Variants in MYH4 observed in about 807,000 individuals in gnomAD.
MYH4 encodes the protein myosin heavy chain 4.
In MYH4, 200 loss-of-function variants were observed where a neutral mutation model predicts 229.9. That is an observed-to-expected ratio of 0.87 (90% CI 0.78 to 0.98). MYH4 has a LOEUF of 0.98. MYH4 is among the 50% of genes least tolerant of loss of function. The probability of loss-of-function intolerance (pLI) is 0.00; values close to 1 mark genes in which losing one functional copy is unlikely to be tolerated. For missense variants in MYH4, 2,148 were observed against 2,332.6 expected (o/e 0.92, Z 1.63); for synonymous variants, 761 against 834.6 (o/e 0.91, Z 1.52).
intron 33 of MYH4, 28 bp downstream of exon 33, chr17:10,448,368 T>C: frequency 1.3e-6 from 2 of 1,597,762 alleles, no homozygotes; most frequent in South Asian, 1.1e-5. Flanking sequence ...TTATTTATAA[T>C]GCAGAGCTAA....
Position 10,451,403 on chromosome 17 carries a change from A to G in MYH4, c.3788T>C (p.Ile1263Thr). ...TTGTTGCTCTTCTTCCTTTGTTTTT[A>G]TTTCACTAAGCTGGTCCTCTAGGGT... is the stretch of plus-strand genomic sequence containing the variant. ...CRTLEDQLSE[I>T]KTKEEEQQRL... Residue 1263 changes from isoleucine to threonine, a missense_variant, in exon 28 of 40, where the codon ATA becomes ACA. Physicochemically the swap from Ile to Thr is moderately conservative, Grantham distance 89. Coordinates refer to ENST00000255381, the MANE Select transcript of MYH4 (RefSeq NM_017533.2). The G allele has an allele frequency of 1.2e-6, 2 of 1,613,918 alleles. No individual in the cohort carries two copies. Among genetic ancestry groups the G allele is most frequent in the South Asian group, 1.1e-5 (1 of 91,070 alleles).
At position 10,453,706 on chromosome 17, in the gene MYH4, G is replaced by A; in HGVS notation, c.2871C>T (p.Asp957=). The A allele has an allele frequency of 1.9e-6, 3 of 1,614,032 alleles. No homozygotes were observed. The highest frequency in any genetic ancestry group is 1.3e-5 in the African/African-American group (1 of 75,018). Residue 957 remains aspartate (D), a synonymous_variant, in exon 23 of 40, where the codon GAC becomes GAT. Transcript: ENST00000255381. ...CCAGTGTCAGCTCAAGGTCATCAAT[G>A]TCTTTCTTGAGCTCTGAACATTCAT... ...LEDECSELKK[D]IDDLELTLAK...
chr17:10,458,481 C>A (rs2072665439), intron 15 of MYH4, among the ~76,000 whole-genome samples: 1 of 152,132 alleles, frequency 6.6e-6, no homozygotes, highest in African/African-American at 2.4e-5. Flanking sequence ...ACCTAGTCTG[C>A]TTTTAAACTC....
At position 10,448,795 on chromosome 17, in the gene MYH4, T is replaced by C; in HGVS notation, c.4366-12A>G. 6.2e-7 allele frequency: 1 copy of C among 1,613,498 alleles called. No homozygotes were observed. The highest frequency in any genetic ancestry group is 8.5e-7 in the Non-Finnish European group (1 of 1,179,808). On this transcript the variant is annotated splice_polypyrimidine_tract_variant and intron_variant, in intron 31 of 39. Coordinates refer to ENST00000255381, the MANE Select transcript of MYH4 (RefSeq NM_017533.2). ...CATTCTGCCAGAACCTGGAAGTATA[T>C]AGAAAATAAGCCTTTGAAACCAAGA...
chr17:10,446,940 A>G lies in MYH4; in HGVS notation c.5169+73T>C. The G allele has an allele frequency of 2.0e-6, 3 of 1,467,288 alleles. 1 individual carries two copies. The highest frequency in any genetic ancestry group is 1.2e-5 in the South Asian group (1 of 81,158). 90.9% of individuals were successfully genotyped at this position (1,467,288 alleles called of 1,614,324 possible). On this transcript the variant is annotated intron_variant, in intron 35 of 39. Coordinates refer to ENST00000255381, the MANE Select transcript of MYH4 (RefSeq NM_017533.2). ...GGACGAAGATTACTTTTTACTTTAT[A>G]AACAAGCTTATCTTCTCAAATTATC...
In MYH4 at chr17:10,450,427, T is replaced by G. The variant is rs777974581; in HGVS notation, c.4181+26A>C. 1.9e-6 allele frequency: 3 copies of G among 1,613,908 alleles called. No homozygotes were observed. In the South Asian group the frequency reaches 3.3e-5, roughly 18 times the overall value. On this transcript the variant is annotated intron_variant, in intron 30 of 39. Transcript: ENST00000255381. ...CACTGCCTTTACTTTTATTTCTTCC[T>G]GCTCCCCTGCACTAAAAGCACATAC... is the stretch of plus-strand genomic sequence containing the variant.
At position 10,452,760 on chromosome 17, in the gene MYH4, G is replaced by T. The variant is rs752576933; in HGVS notation, c.3257+27C>A. 15 of 1,583,284 alleles carry T rather than the reference G, an allele frequency of 9.5e-6. 1 individual carries two copies. The highest frequency in any genetic ancestry group is 1.1e-5 in the Non-Finnish European group (13 of 1,169,722). ...ATTTGCATTGACATACAACAAGCAG[G>T]TTATAGCTGAATTATACCATACTTA... On this transcript the variant is annotated intron_variant, in intron 25 of 39. Coordinates refer to ENST00000255381, the MANE Select transcript of MYH4 (RefSeq NM_017533.2).
chr17:10,447,460 G>C (rs985626638), intron 34 of MYH4, among the ~76,000 whole-genome samples: 5 of 152,100 alleles, frequency 3.3e-5, no homozygotes, highest in African/African-American at 7.2e-5. Flanking sequence ...CAAAATTTTG[G>C]ATCAGGAAAG....
In MYH4 at chr17:10,462,853, C is replaced by T; in HGVS notation, c.1008+12G>A. 1.2e-6 allele frequency: 2 copies of T among 1,602,720 alleles called. No individual in the cohort carries two copies. Among genetic ancestry groups the T allele is most frequent in the Admixed American group, 1.7e-5 (1 of 59,502 alleles). On this transcript the variant is annotated intron_variant, in intron 11 of 39. Transcript: ENST00000255381. ...TGAATTTACTTTTTACTACTTTGTA[C>T]CTATTACTTACATCTGTGGCCATCA...
chr17:10,465,336 A>C, intron 5 of MYH4, 106 bp downstream of exon 5: 1 of 1,345,580 alleles, frequency 7.4e-7, no homozygotes, highest in South Asian at 1.4e-5. Flanking sequence ...TTCTGTTATC[A>C]TGTTTGTGCT....
chr17:10,457,709 G>A lies in MYH4; in HGVS notation c.1608C>T (p.Ile536=). Residue 536 remains isoleucine (I), a synonymous_variant, in exon 16 of 40, where the codon ATC becomes ATT. Transcript: ENST00000255381. ...LIEKPMGIFS[I]LEEECMFPKA... ...TGGGGAACATGCACTCCTCTTCTAG[G>A]ATGGAGAAGATGCCCATAGGCTAAG... 4 of 1,613,942 alleles carry A rather than the reference G, an allele frequency of 2.5e-6. No homozygotes were observed. The highest frequency in any genetic ancestry group is 1.1e-5 in the South Asian group (1 of 91,074).
chr17:10,445,000 C>T lies in MYH4; in HGVS notation c.5442G>A (p.Lys1814=). The change falls in exon 37 of 40, where the codon AAG becomes AAA. Residue 1814 remains lysine, a synonymous_variant. Transcript: ENST00000255381. ...CCCTGGCCTCCAGTTTCTGGATCTG[C>T]TTCTTCCCACCCTTCAGCGCCAGCT... The part of the protein sequence containing the change: ...AEQLALKGGK[K]QIQKLEARVR... 1 of 1,614,108 alleles carries T rather than the reference C, an allele frequency of 6.2e-7. No individual in the cohort carries two copies. Among genetic ancestry groups the T allele is most frequent in the Non-Finnish European group, 8.5e-7 (1 of 1,180,016 alleles).
rs201770076 is a variant in MYH4 at position 10,443,493 on chromosome 17, C to G, written c.5702G>C (p.Arg1901Pro). 3.7e-6 allele frequency: 6 copies of G among 1,613,876 alleles called. No homozygotes were observed. Among genetic ancestry groups the G allele is most frequent in the Non-Finnish European group, 5.1e-6 (6 of 1,179,884 alleles). ...EQSNVNLAKF[R>P]KLQHELEEAK... ...CTCCTCCAGCTCGTGCTGGAGCTTGCGGAACTTGGCAAGGTTGACATTGGA... is the reference window on the plus strand; with the variant it reads ...CTCCTCCAGCTCGTGCTGGAGCTTGGGGAACTTGGCAAGGTTGACATTGGA... The change falls in exon 40 of 40, where the codon CGC becomes CCC. Residue 1901 changes from arginine to proline, a missense_variant. Coordinates refer to ENST00000255381, the MANE Select transcript of MYH4 (RefSeq NM_017533.2). The surrounding 1 kb of genome is among the most constrained non-coding windows in gnomAD (Gnocchi z 4.6).
At chr17:10,449,285 T>C (rs1597415831) in intron 30 of MYH4, among the ~76,000 whole-genome samples, 2 of 152,352 alleles carry the variant, frequency 1.3e-5, no homozygotes, top group South Asian at 2.1e-4. Flanking sequence ...TGTGTGTGTA[T>C]GAGAGAAAGA....
rs1233202115 is a variant in MYH4 at position 10,460,096 on chromosome 17, G to T, written c.1272C>A (p.Tyr424Ter). The change falls in exon 14 of 40, where the codon TAC becomes TAA. Residue 424 changes from tyrosine to a stop codon, truncating the protein, a stop_gained. Coordinates refer to ENST00000255381, the MANE Select transcript of MYH4 (RefSeq NM_017533.2). LOFTEE classifies it high-confidence loss of function. ...CTTTGGCCAGAGCACCCACTGCATT[G>T]TACACCTTCAACAGAAGTGATAGTT... ...VTKGQTVQQV[Y>*]NAVGALAKAI... 12 of 1,614,160 alleles carry T rather than the reference G, an allele frequency of 7.4e-6. No homozygotes were observed. The East Asian group carries it at 2.7e-4, about 36-fold the overall frequency.
Position 10,459,352 on chromosome 17 carries a change from T to C in MYH4, c.1486A>G (p.Met496Val). ...EKLQQFFNHHMFVLEQEEYKK... is the reference protein window; with the variant it reads ...EKLQQFFNHHVFVLEQEEYKK... ...TACTCTTCCTGCTCCAGCACGAACA[T>C]GTGGTGGTTGAAAAACTGTTGCAGT... Residue 496 changes from methionine to valine, a missense_variant, in exon 15 of 40, where the codon ATG becomes GTG. Coordinates refer to ENST00000255381, the MANE Select transcript of MYH4 (RefSeq NM_017533.2). The C allele has an allele frequency of 6.2e-7, 1 of 1,614,028 alleles. No individual in the cohort carries two copies. Among genetic ancestry groups the C allele is most frequent in the Non-Finnish European group, 8.5e-7 (1 of 1,180,000 alleles).
intron 2 of MYH4, among the ~76,000 whole-genome samples, chr17:10,468,316 A>T (rs530841686): frequency 6.6e-6 from 1 of 152,142 alleles, no homozygotes; most frequent in African/African-American, 2.4e-5. Flanking sequence ...GTCTTATTAT[A>T]GATTAATTGT....
chr17:10,459,356 G>A lies in MYH4; in HGVS notation c.1482C>T (p.His494=), dbSNP rs771885982. The A allele has an allele frequency of 2.1e-5, 34 of 1,614,052 alleles. No individual in the cohort carries two copies. The Middle Eastern group carries it at 9.9e-4, about 47-fold the overall frequency. The change falls in exon 15 of 40, where the codon CAC becomes CAT. Residue 494 remains histidine, a synonymous_variant. Coordinates refer to ENST00000255381, the MANE Select transcript of MYH4 (RefSeq NM_017533.2). ...CTTCCTGCTCCAGCACGAACATGTG[G>A]TGGTTGAAAAACTGTTGCAGTTTCT... is the stretch of plus-strand genomic sequence containing the variant. ...TNEKLQQFFN[H]HMFVLEQEEY... is the part of the protein sequence containing the mutation.
intron 2 of MYH4, 54 bp from the exon 3 acceptor site, chr17:10,466,838 T>C (rs112371016): frequency 6.8e-7 from 1 of 1,477,144 alleles, no homozygotes; most frequent in African/African-American, 1.4e-5. Context: ...GGAGAATTGT[T>C]CTGTTGATTT....
Sources: gnomAD v4.1 joint callset for allele counts (sites outside exome capture counted in the v4.1 genomes callset) on GRCh38, gnomAD v4.1.1 for gene constraint, Gnocchi (gnomAD v3.1) non-coding constraint, MANE v1.5 for transcripts, NCBI Gene and HGNC (gene_info 2026-07-23, HGNC 2026-07-21) for gene names.